LAMA5: variants seen among roughly 807,000 people sequenced by gnomAD.
LAMA5 encodes laminin subunit alpha-5.
A neutral mutation model predicts 433.4 loss-of-function variants in LAMA5; 260 were observed. The ratio of observed to expected loss-of-function variants is 0.60; its 90% CI spans 0.54 to 0.66. The LOEUF (loss-of-function observed/expected upper bound fraction) is 0.66, where lower values mean the gene tolerates loss of function less well. Among genes scored for constraint, LAMA5 ranks in the 30% least tolerant of loss-of-function variants. The pLI is 0.00. For missense variants in LAMA5, 5,378 were observed against 5,258.5 expected, an observed-to-expected ratio of 1.02 and a Z score of -0.70; for synonymous variants, 2,620 against 2,226.6, an observed-to-expected ratio of 1.18 and a Z score of -4.97.
chr20:62,363,996 C>A (rs1036016583), intron 1 of LAMA5, among the ~76,000 whole-genome samples: 13 of 152,176 alleles, frequency 8.5e-5, no homozygotes, highest in Non-Finnish European at 1.6e-4. Context: ...TCCTTTACTG[C>A]ATGTATGAGA....
At position 62,339,301 on chromosome 20, in the gene LAMA5, G is replaced by A. The variant is rs1344908049; in HGVS notation, c.1478-693C>T. Among the ~76,000 whole-genome samples the A allele has an allele frequency of 4.1e-5, 5 of 122,662 alleles. No individual in the cohort carries two copies. In the East Asian group the frequency reaches 8.3e-4, roughly 20 times the overall value. 80.5% of individuals were successfully genotyped at this position (122,662 alleles called of 152,430 possible). On this transcript the variant is annotated intron_variant, in intron 11 of 79. Transcript: ENST00000252999. Reference sequence around the variant, plus strand: ...CGCCCAGGCTAGAGTGCAGTGGCACGATCTGGGCTCACTGCAAGCTCTGCC... The same window carrying A: ...CGCCCAGGCTAGAGTGCAGTGGCACAATCTGGGCTCACTGCAAGCTCTGCC...
chr20:62,316,080 C>A, intron 57 of LAMA5, 22 bp from the exon 58 acceptor site: 1 of 1,555,678 alleles, frequency 6.4e-7, no homozygotes, highest in Non-Finnish European at 8.8e-7. Context: ...GCAGCTTCAG[C>A]TCCCAGGCAG....
chr20:62,340,268 C>A (rs1982370974), intron 11 of LAMA5, among the ~76,000 whole-genome samples: 2 of 147,058 alleles, frequency 1.4e-5, no homozygotes, highest in Admixed American at 1.4e-4. Context: ...AGCAAGGGTA[C>A]TGTGGGTTTG....
intron 17 of LAMA5, 61 bp downstream of exon 17, chr20:62,336,673 G>A (rs1981684396): frequency 6.3e-7 from 1 of 1,587,322 alleles, no homozygotes; most frequent in Non-Finnish European, 8.6e-7. Context: ...ACCGGACTCG[G>A]GACTTTTAGC....
rs1441642308 is a variant in LAMA5 at position 62,310,827 on chromosome 20, G to A, written c.10284C>T (p.Val3428=). ...QRSRPGRWHK[V]SVRWEKNRIL... is the part of the protein sequence containing the mutation. Reference sequence around the variant, plus strand: ...TCCGGTTCTTCTCCCAGCGCACGGAGACCTGGGGGCAGGAGATGGGTCAGG... The same window carrying A: ...TCCGGTTCTTCTCCCAGCGCACGGAAACCTGGGGGCAGGAGATGGGTCAGG... Residue 3428 remains valine (V), a splice_region_variant and synonymous_variant, in exon 75 of 80, where the codon GTC becomes GTT. Coordinates refer to ENST00000252999, the MANE Select transcript of LAMA5 (RefSeq NM_005560.6). 1.9e-6 allele frequency: 3 copies of A among 1,566,762 alleles called. No individual in the cohort carries two copies. Among genetic ancestry groups the A allele is most frequent in the South Asian group, 1.2e-5 (1 of 85,788 alleles).
chr20:62,364,174 G>A (rs373589545), intron 1 of LAMA5, among the ~76,000 whole-genome samples: 2 of 152,166 alleles, frequency 1.3e-5, no homozygotes, highest in Non-Finnish European at 2.9e-5. Context: ...CTACCCGCAG[G>A]CCGCACTGCA....
intron 38 of LAMA5, 21 bp downstream of exon 38, chr20:62,327,212 C>T (rs1293547705): frequency 2.7e-6 from 4 of 1,487,502 alleles, no homozygotes; most frequent in Non-Finnish European, 1.8e-6. Context: ...GTGCCTCCCC[C>T]AGACCTGATG....
intron 70 of LAMA5, 32 bp from the exon 71 acceptor site, chr20:62,311,816 T>TTGGCCCCCCCCCC: frequency 6.6e-7 from 1 of 1,521,006 alleles, no homozygotes; most frequent in Non-Finnish European, 8.9e-7. Context: ...GCTCGGTTTT[T>TTGGCCCCCCCCCC]CCCCACCCTG....
intron 1 of LAMA5, among the ~76,000 whole-genome samples, chr20:62,363,659 G>C (rs1986406926): frequency 6.6e-6 from 1 of 152,066 alleles, no homozygotes; most frequent in Admixed American, 6.5e-5. Context: ...GGTTGATTGA[G>C]GCCCCAGAGG....
At position 62,332,568 on chromosome 20, in the gene LAMA5, G is replaced by A; in HGVS notation, c.3432C>T (p.Pro1144=). The A allele has an allele frequency of 6.3e-7, 1 of 1,595,168 alleles. No individual in the cohort carries two copies. Among genetic ancestry groups the A allele is most frequent in the South Asian group, 1.1e-5 (1 of 90,176 alleles). ...CGGCTCCCACTCACCTGTACAGGCA[G>A]GGGTGCAGGGAGAGCAGCCCCTGCT... is the stretch of plus-strand genomic sequence containing the variant. The part of the protein sequence containing the change: ...APQQGLLSLH[P]CLYSTLCRGT... The change falls in exon 27 of 80, where the codon CCC becomes CCT. Residue 1144 remains proline, a synonymous_variant. Transcript: ENST00000252999.
Position 62,314,388 on chromosome 20 carries a change from AC to A in LAMA5, c.8419del (p.Val2807CysfsTer12). The A allele has an allele frequency of 6.2e-7, 1 of 1,613,348 alleles. No homozygotes were observed. The highest frequency in any genetic ancestry group is 8.5e-7 in the Non-Finnish European group (1 of 1,179,920). ...VSLRDKKVHW[V>X]YQLGEAGPAV... ...AGGGCCCGCCTCACCCAGCTGATACACCCAGTGCACCTTCTTGTCACGCAGA... is the reference window on the plus strand; with the variant it reads ...AGGGCCCGCCTCACCCAGCTGATACACCAGTGCACCTTCTTGTCACGCAGA... On this transcript the variant is annotated frameshift_variant, in exon 62 of 80. Coordinates refer to ENST00000252999, the MANE Select transcript of LAMA5 (RefSeq NM_005560.6). LOFTEE classifies it high-confidence loss of function.
chr20:62,311,816 T>TTGCCCCCCC, intron 70 of LAMA5, 32 bp from the exon 71 acceptor site: 1 of 1,521,012 alleles, frequency 6.6e-7, no homozygotes, highest in Non-Finnish European at 8.9e-7. Flanking sequence ...GCTCGGTTTT[T>TTGCCCCCCC]CCCCACCCTG....
At position 62,322,514 on chromosome 20, in the gene LAMA5, C is replaced by G. The variant is rs71323580; in HGVS notation, c.6166-65G>C. The stretch of plus-strand genomic sequence containing the variant: ...GACTGTCCCAGACCAACCTGGAAGC[C>G]AGGGGTCCTGCCCATCTGGCCCCAC... On this transcript the variant is annotated intron_variant, in intron 46 of 79. Transcript: ENST00000252999. The G allele has an allele frequency of 0.2, 306,518 of 1,508,528 alleles. 32,581 individuals carry two copies. Among genetic ancestry groups the G allele is most frequent in the Non-Finnish European group, 0.22 (244,298 of 1,119,664 alleles). 93.4% of individuals were successfully genotyped at this position (1,508,528 alleles called of 1,614,324 possible).
chr20:62,333,544 C>T lies in LAMA5; in HGVS notation c.3021+20G>A, dbSNP rs1980923947. On this transcript the variant is annotated intron_variant, in intron 24 of 79. Transcript: ENST00000252999. ...ACCCCCTGACCCGGCCCCCAGCCCTCACTCTGGCCCCTGCCTCACCAGGAG... is the reference window on the plus strand; with the variant it reads ...ACCCCCTGACCCGGCCCCCAGCCCTTACTCTGGCCCCTGCCTCACCAGGAG... 1.9e-6 allele frequency: 3 copies of T among 1,567,022 alleles called. No homozygotes were observed. The highest frequency in any genetic ancestry group is 2.6e-6 in the Non-Finnish European group (3 of 1,156,348).
intron 54 of LAMA5, 65 bp from the exon 55 acceptor site, chr20:62,317,564 C>T (rs529702300): frequency 3.5e-5 from 54 of 1,521,510 alleles, no homozygotes; most frequent in Admixed American, 3.2e-4. Flanking sequence ...ACCCTGAGGG[C>T]GGGCTCTGCA....
rs1293954608 is a variant in LAMA5, at chr20:62,318,601, C to T, written c.7092G>A (p.Gln2364=). ...GGTCGCGGGTTTGTGTGGCCAGTGC[C>T]TGGTTCTCCTCCCAGAGGCTGCTCA... is the stretch of plus-strand genomic sequence containing the variant. ...EQLSSLWEEN[Q]ALATQTRDRL... The change falls in exon 53 of 80, where the codon CAG becomes CAA. Residue 2364 remains glutamine (Q), a synonymous_variant. Coordinates refer to ENST00000252999, the MANE Select transcript of LAMA5 (RefSeq NM_005560.6). The T allele has an allele frequency of 1.2e-5, 20 of 1,610,924 alleles. No individual in the cohort carries two copies. The highest frequency in any genetic ancestry group is 1.6e-5 in the Non-Finnish European group (19 of 1,179,074).
Position 62,312,796 on chromosome 20 carries a change from G to T in LAMA5, c.9079-16C>A. On this transcript the variant is annotated splice_polypyrimidine_tract_variant and intron_variant, in intron 66 of 79. Coordinates refer to ENST00000252999, the MANE Select transcript of LAMA5 (RefSeq NM_005560.6). ...ACACCTGGATCTACAGGACCAGTGG[G>T]GGCTCCAGGGCCAGCTGTGTCCCTG... 1 of 1,595,162 alleles carries T rather than the reference G, an allele frequency of 6.3e-7. No homozygotes were observed. Among genetic ancestry groups the T allele is most frequent in the Non-Finnish European group, 8.5e-7 (1 of 1,174,644 alleles).
chr20:62,356,869 C>G (rs1220342812), intron 2 of LAMA5, among the ~76,000 whole-genome samples: 1 of 152,244 alleles, frequency 6.6e-6, no homozygotes, highest in Non-Finnish European at 1.5e-5. Context: ...TCCTGGAGGG[C>G]AGCAGCCACC....
rs752159646 is a variant in LAMA5 at position 62,337,821 on chromosome 20, C to A, written c.2009G>T (p.Gly670Val). Residue 670 changes from glycine to valine, a missense_variant, in exon 15 of 80, where the codon GGC becomes GTC. Gly to Val is a moderately radical substitution (Grantham distance 109). Coordinates refer to ENST00000252999, the MANE Select transcript of LAMA5 (RefSeq NM_005560.6). ...ACQECSPGFH[G>V]FPSCVPCHCS... ...GCACTCACGGACACAGCTGGGGAAG[C>A]CGTGAAAGCCGGGGCTGCATTCCTG... is the stretch of plus-strand genomic sequence containing the variant. 6.8e-6 allele frequency: 11 copies of A among 1,612,580 alleles called. No homozygotes were observed. The South Asian group carries it at 1.2e-4, about 18-fold the overall frequency.
Sources: gnomAD v4.1 joint callset for allele counts (sites outside exome capture counted in the v4.1 genomes callset) on GRCh38, gnomAD v4.1.1 for gene constraint, MANE v1.5 for transcripts, NCBI Gene and HGNC (gene_info 2026-07-23, HGNC 2026-07-21) for gene names.